The following CLSTN2 variants were observed in gnomAD, a reference collection of about 807,000 sequenced individuals.
The protein encoded by CLSTN2 is calsyntenin 2.
A neutral mutation model predicts 101.2 loss-of-function variants in CLSTN2; 48 were observed. That is an observed-to-expected ratio of 0.47 (90% CI 0.38 to 0.60). CLSTN2 has a LOEUF of 0.60. Among genes scored for constraint, CLSTN2 ranks in the 20% least tolerant of loss-of-function variants. CLSTN2 has a pLI of 0.00. For synonymous variants in CLSTN2, 481 were observed against 463.6 expected, an observed-to-expected ratio of 1.04 and a Z score of -0.48; for missense variants, 1,160 against 1,238.2, an observed-to-expected ratio of 0.94 and a Z score of 0.95.
chr3:140,118,076 A>C (rs1340268656), intron 1 of CLSTN2, among the ~76,000 whole-genome samples: 1 of 152,078 alleles, frequency 6.6e-6, no homozygotes, highest in Non-Finnish European at 1.5e-5. Context: ...ATGGGCTCAA[A>C]TCTAATATTG....
intron 2 of CLSTN2, among the ~76,000 whole-genome samples, chr3:140,325,821 A>G (rs1008911519): frequency 5.3e-5 from 8 of 152,204 alleles, no homozygotes; most frequent in African/African-American, 1.7e-4. Context: ...GTTCCAGCCA[A>G]TGGAAACCAG....
intron 2 of CLSTN2, among the ~76,000 whole-genome samples, chr3:140,358,208 C>A (rs534531208): frequency 2.0e-5 from 3 of 152,110 alleles, no homozygotes; most frequent in Admixed American, 1.3e-4. Context: ...ATGGCCAAGC[C>A]CCCCCTCCAT....
At chr3:140,045,560 C>G (rs1446988558) in intron 1 of CLSTN2, among the ~76,000 whole-genome samples, 1 of 152,114 alleles carries the variant, frequency 6.6e-6, no homozygotes, top group Non-Finnish European at 1.5e-5. Context: ...CTTCTGCTAG[C>G]TTTTGAATGC....
At chr3:140,035,387 C>G (rs1018965562) in intron 1 of CLSTN2, among the ~76,000 whole-genome samples, 1 of 152,242 alleles carries the variant, frequency 6.6e-6, no homozygotes, top group African/African-American at 2.4e-5. Flanking sequence ...ATGACTGCAG[C>G]AGCCTGCCTG....
At chr3:139,980,816 C>T (rs1388555121) in intron 1 of CLSTN2, among the ~76,000 whole-genome samples, 1 of 152,090 alleles carries the variant, frequency 6.6e-6, no homozygotes, top group Non-Finnish European at 1.5e-5. Flanking sequence ...AGAGCACTTC[C>T]AGGCACTACA....
At chr3:140,296,414 C>T (rs896490848) in intron 2 of CLSTN2, among the ~76,000 whole-genome samples, 1 of 152,212 alleles carries the variant, frequency 6.6e-6, no homozygotes, top group Non-Finnish European at 1.5e-5. Context: ...GACATCATCA[C>T]ACTTTATCTG....
At chr3:140,148,740 C>G (rs1017759229) in intron 1 of CLSTN2, among the ~76,000 whole-genome samples, 2 of 152,190 alleles carry the variant, frequency 1.3e-5, no homozygotes, top group African/African-American at 4.8e-5. Context: ...TTTATGGTAA[C>G]ATTTTTATTG....
At chr3:140,082,628 T>C (rs1403093078) in intron 1 of CLSTN2, among the ~76,000 whole-genome samples, 5 of 152,116 alleles carry the variant, frequency 3.3e-5, no homozygotes, top group Admixed American at 1.3e-4. Context: ...TCCTACACCT[T>C]CTCATCCCCT....
chr3:140,068,822 T>C (rs1229628683), intron 1 of CLSTN2, among the ~76,000 whole-genome samples: 1 of 152,178 alleles, frequency 6.6e-6, no homozygotes, highest in Non-Finnish European at 1.5e-5. Context: ...TTGTATATAT[T>C]TAAAGCACTG....
rs114736432 is a variant in CLSTN2, at chr3:140,102,554, A to C, written c.110-73397A>C. 6.5e-3 allele frequency among the ~76,000 whole-genome samples: 993 copies of C among 152,350 alleles called. 9 individuals are homozygous for C. Among genetic ancestry groups the C allele is most frequent in the African/African-American group, 0.023 (936 of 41,574 alleles). On this transcript the variant is annotated intron_variant, in intron 1 of 16. Transcript: ENST00000458420. ...AAGGTCCTACTGTGGGTTGCCTGGC[A>C]AGATTTCCCACAAGCCAGGAAGTAA...
chr3:140,096,084 A>G (rs2008864512), intron 1 of CLSTN2, among the ~76,000 whole-genome samples: 1 of 152,186 alleles, frequency 6.6e-6, no homozygotes, highest in African/African-American at 2.4e-5. Flanking sequence ...AAAAGATTCT[A>G]AGGGAAAGTA....
At chr3:140,218,817 A>G (rs1026242631) in intron 2 of CLSTN2, among the ~76,000 whole-genome samples, 1 of 152,148 alleles carries the variant, frequency 6.6e-6, no homozygotes, top group African/African-American at 2.4e-5. Flanking sequence ...ATTTGTTTCT[A>G]ATAACAGAGT....
chr3:140,387,480 G>T (rs748915085), intron 2 of CLSTN2, among the ~76,000 whole-genome samples: 1 of 152,188 alleles, frequency 6.6e-6, no homozygotes, highest in Non-Finnish European at 1.5e-5. Flanking sequence ...GCGATAAATT[G>T]CAAAAGCCTG....
intron 1 of CLSTN2, among the ~76,000 whole-genome samples, chr3:140,136,181 T>C (rs956528512): frequency 2.0e-5 from 3 of 152,218 alleles, no homozygotes; most frequent in Admixed American, 1.3e-4. Flanking sequence ...ATTGTTCCCC[T>C]AGAGGATCTT....
chr3:140,135,830 G>A (rs190388504), intron 1 of CLSTN2, among the ~76,000 whole-genome samples: 205 of 152,246 alleles, frequency 1.3e-3, no homozygotes, highest in African/African-American at 4.5e-3. Flanking sequence ...TAGGAATCTG[G>A]CTTAAACTCT....
At chr3:140,393,504 C>G (rs1002921649) in intron 2 of CLSTN2, among the ~76,000 whole-genome samples, 1 of 152,190 alleles carries the variant, frequency 6.6e-6, no homozygotes, top group Non-Finnish European at 1.5e-5. Context: ...CTGGGAAACT[C>G]CATGCCTGCT....
intron 1 of CLSTN2, among the ~76,000 whole-genome samples, chr3:140,032,828 CA>C (rs2007582702): frequency 6.6e-6 from 1 of 152,192 alleles, no homozygotes; most frequent in Non-Finnish European, 1.5e-5. Context: ...TCTCCAATTA[CA>C]AAATGGCAAT....
chr3:140,139,868 A>T (rs1242658281), intron 1 of CLSTN2, among the ~76,000 whole-genome samples: 1 of 152,192 alleles, frequency 6.6e-6, no homozygotes, highest in African/African-American at 2.4e-5. Context: ...TGGTTATATC[A>T]CGACTTGCCT....
chr3:140,158,152 A>T (rs2009986663), intron 1 of CLSTN2, among the ~76,000 whole-genome samples: 1 of 152,228 alleles, frequency 6.6e-6, no homozygotes, highest in South Asian at 2.1e-4. Context: ...GAACAAGCTA[A>T]GGATGCCCAC....
Sources: gnomAD v4.1 joint callset for allele counts (sites outside exome capture counted in the v4.1 genomes callset) on GRCh38, gnomAD v4.1.1 for gene constraint, MANE v1.5 for transcripts, NCBI Gene and HGNC (gene_info 2026-07-23, HGNC 2026-07-21) for gene names.